Variants in PRKN observed in about 807,000 individuals in gnomAD.
PRKN encodes the protein parkin RBR E3 ubiquitin protein ligase.
In PRKN, 56 loss-of-function variants were observed where a neutral mutation model predicts 59.5. That is an observed-to-expected ratio of 0.94 (90% CI 0.76 to 1.18). The LOEUF (loss-of-function observed/expected upper bound fraction) is 1.18, where lower values mean the gene tolerates loss of function less well. Among genes scored for constraint, PRKN ranks in the 50% most tolerant of loss-of-function variants. PRKN has a pLI of 0.00. For synonymous variants in PRKN, 250 were observed against 222.1 expected, an observed-to-expected ratio of 1.13 and a Z score of -1.12; for missense variants, 657 against 596.4, an observed-to-expected ratio of 1.10 and a Z score of -1.06.
intron 1 of PRKN, among the ~76,000 whole-genome samples, chr6:162,727,448 C>T (rs1211516175): frequency 6.7e-6 from 1 of 150,282 alleles, no homozygotes; most frequent in African/African-American, 2.4e-5. Context: ...AGAGCAGGGG[C>T]GGGCAGGCGA....
chr6:162,238,472 A>G (rs923213478), intron 3 of PRKN, among the ~76,000 whole-genome samples: 1 of 152,212 alleles, frequency 6.6e-6, no homozygotes, highest in African/African-American at 2.4e-5. Flanking sequence ...AATAGCTTGT[A>G]ATGAAGACAT....
chr6:161,588,885 C>CT lies in PRKN; in HGVS notation c.872-19470dup, dbSNP rs557650414. ...TTGAGTTTCAGTAAAGTACCAAGTCCTTTTTTTTTAGCCTAAGCCTGACCC... is the reference window on the plus strand; with the variant it reads ...TTGAGTTTCAGTAAAGTACCAAGTCCTTTTTTTTTTAGCCTAAGCCTGACCC... On this transcript the variant is annotated intron_variant, in intron 7 of 11. Coordinates refer to ENST00000366898, the MANE Select transcript of PRKN (RefSeq NM_004562.3). The surrounding 1 kb of genome is among the most constrained non-coding windows in gnomAD (Gnocchi z 5.0). Among the ~76,000 whole-genome samples the CT allele has an allele frequency of 2.0e-5, 3 of 151,012 alleles. No homozygotes were observed. Among genetic ancestry groups the CT allele is most frequent in the South Asian group, 2.1e-4 (1 of 4,772 alleles).
rs562272921 is a variant in PRKN at position 162,358,271 on chromosome 6, T to C, written c.171+85039A>G. On this transcript the variant is annotated intron_variant, in intron 2 of 11. Transcript: ENST00000366898. ...AGTTTATGAATTTTAATAAACAGTT[T>C]GGAATATTTTTCGAAATCTTTATTT... is the stretch of plus-strand genomic sequence containing the variant. 5.3e-5 allele frequency among the ~76,000 whole-genome samples: 8 copies of C among 152,332 alleles called. 1 individual carries two copies. The South Asian group carries it at 1.0e-3, about 20-fold the overall frequency.
intron 7 of PRKN, among the ~76,000 whole-genome samples, chr6:161,661,852 G>A (rs12524559): frequency 0.26 from 39,690 of 151,830 alleles, 5,546 homozygotes; most frequent in African/African-American, 0.36. Context: ...GTGAAACCCC[G>A]TCTCTACTAA....
intron 4 of PRKN, among the ~76,000 whole-genome samples, chr6:162,155,095 AT>A (rs1386049912): frequency 1.1e-5 from 1 of 87,002 alleles, no homozygotes; most frequent in African/African-American, 4.4e-5. Flanking sequence ...TGGAAAAAAA[AT>A]AAAACCTAAA....
intron 3 of PRKN, among the ~76,000 whole-genome samples, chr6:162,260,127 G>A (rs1028837976): frequency 6.6e-6 from 1 of 152,158 alleles, no homozygotes; most frequent in South Asian, 2.1e-4. Context: ...GTGGTGCAGG[G>A]AGAAGTGTTA....
intron 7 of PRKN, among the ~76,000 whole-genome samples, chr6:161,614,963 CAGAGAGAGAG>C (rs71694349): frequency 0.015 from 2,213 of 147,264 alleles, 46 homozygotes; most frequent in African/African-American, 0.047. Flanking sequence ...GAGAGGAAGA[CAGAGAGAGAG>C]AGAGAGAGAG....
At chr6:162,540,023 CT>C (rs1325840956) in intron 1 of PRKN, among the ~76,000 whole-genome samples, 38 of 152,104 alleles carry the variant, frequency 2.5e-4, no homozygotes, top group African/African-American at 8.9e-4. Flanking sequence ...TCAAGTGGTT[CT>C]CCTACCTCAA....
At chr6:161,411,261 G>C (rs191594210) in intron 9 of PRKN, among the ~76,000 whole-genome samples, 1 of 152,244 alleles carries the variant, frequency 6.6e-6, no homozygotes, top group East Asian at 1.9e-4. Context: ...CGAATCATGG[G>C]GGTGGCTTTC....
At chr6:162,349,666 G>T (rs1784544293) in intron 2 of PRKN, among the ~76,000 whole-genome samples, 1 of 152,110 alleles carries the variant, frequency 6.6e-6, no homozygotes. Context: ...ATAATGAGAG[G>T]TGATGCAAAA....
rs995331336 is a variant in PRKN at position 161,578,073 on chromosome 6, G to A, written c.872-8657C>T. ...CTGGAGCTTGCAGAAGAAATAAGAC[G>A]CACACCAACAAACCAAGTAGATGTA... On this transcript the variant is annotated intron_variant, in intron 7 of 11. Coordinates refer to ENST00000366898, the MANE Select transcript of PRKN (RefSeq NM_004562.3). The surrounding 1 kb of genome is among the most constrained non-coding windows in gnomAD (Gnocchi z 4.2). 3.3e-5 allele frequency among the ~76,000 whole-genome samples: 5 copies of A among 152,088 alleles called. No individual in the cohort carries two copies. The highest frequency in any genetic ancestry group is 5.9e-5 in the Non-Finnish European group (4 of 68,004).
chr6:162,699,505 C>T (rs1778077765), intron 1 of PRKN, among the ~76,000 whole-genome samples: 1 of 152,108 alleles, frequency 6.6e-6, no homozygotes, highest in African/African-American at 2.4e-5. Context: ...AGAGCTTAAG[C>T]TTACTATGTG....
At chr6:162,071,698 G>A (rs1217938708) in intron 4 of PRKN, among the ~76,000 whole-genome samples, 2 of 151,666 alleles carry the variant, frequency 1.3e-5, no homozygotes, top group Admixed American at 6.6e-5. Context: ...CCGGGTTCAA[G>A]TGATTCTTGT....
intron 3 of PRKN, among the ~76,000 whole-genome samples, chr6:162,250,385 G>C (rs993603103): frequency 6.6e-6 from 1 of 152,124 alleles, no homozygotes; most frequent in Non-Finnish European, 1.5e-5. Flanking sequence ...TAACCCCAAA[G>C]TCAATGGTTT....
intron 1 of PRKN, among the ~76,000 whole-genome samples, chr6:162,570,493 G>A (rs1780276249): frequency 1.3e-5 from 2 of 152,186 alleles, no homozygotes; most frequent in African/African-American, 2.4e-5. Flanking sequence ...GGAAATCAGT[G>A]TATACAAGAT....
At chr6:161,953,383 TA>T (rs2128246494) in intron 6 of PRKN, among the ~76,000 whole-genome samples, 1 of 152,348 alleles carries the variant, frequency 6.6e-6, no homozygotes, top group Admixed American at 6.5e-5. Flanking sequence ...ATGTTGGGAT[TA>T]CAGGCGTGAG....
rs1383387331 is a variant in PRKN at position 162,393,157 on chromosome 6, T to TTTTTTTTTTTTTTTTTC, written c.171+50152_171+50153insGAAAAAAAAAAAAAAAA. ...ATACTGGGTGAGGATAGGAGATTCT[T>TTTTTTTTTTTTTTTTTC]TTTTTTTTTTTTTTTTTTTTGAGAC... On this transcript the variant is annotated intron_variant, in intron 2 of 11. Coordinates refer to ENST00000366898, the MANE Select transcript of PRKN (RefSeq NM_004562.3). 1.9e-4 allele frequency among the ~76,000 whole-genome samples: 22 copies of TTTTTTTTTTTTTTTTTC among 113,646 alleles called. 1 individual carries two copies. Among genetic ancestry groups the TTTTTTTTTTTTTTTTTC allele is most frequent in the African/African-American group, 1.0e-3 (22 of 21,972 alleles). The allele number at this position is 113,646 out of a possible 152,430, so 74.6% of individuals were successfully genotyped here.
rs543003625 is a variant in PRKN at position 161,417,019 on chromosome 6, C to T, written c.1084-30142G>A. 1.9e-4 allele frequency among the ~76,000 whole-genome samples: 29 copies of T among 152,188 alleles called. 1 individual carries two copies. In the South Asian group the frequency reaches 3.1e-3, roughly 16 times the overall value. On this transcript the variant is annotated intron_variant, in intron 9 of 11. Transcript: ENST00000366898. The surrounding 1 kb of genome is among the most constrained non-coding windows in gnomAD (Gnocchi z 5.4). ...AAAGAACTCTGGAGGGAGATGGGGC[C>T]GAGGAAGGAGTAGGAGGTGTGGCTA...
intron 7 of PRKN, among the ~76,000 whole-genome samples, chr6:161,574,966 C>T (rs1055390748): frequency 1.3e-5 from 2 of 152,142 alleles, no homozygotes; most frequent in African/African-American, 2.4e-5. Context: ...TTTTAAAGCC[C>T]GTCCTGCTGT....
Sources: gnomAD v4.1 joint callset for allele counts (sites outside exome capture counted in the v4.1 genomes callset) on GRCh38, gnomAD v4.1.1 for gene constraint, Gnocchi (gnomAD v3.1) non-coding constraint, MANE v1.5 for transcripts, NCBI Gene and HGNC (gene_info 2026-07-23, HGNC 2026-07-21) for gene names.